Variants in DGKH observed in about 807,000 individuals in gnomAD.
DGKH encodes the protein DAG kinase eta.
Under a neutral mutation model 159.3 loss-of-function variants are expected in DGKH, and 90 were observed. The observed-to-expected ratio is 0.57, with a 90% CI of 0.48 to 0.67. DGKH has a LOEUF of 0.67. DGKH is among the 30% of genes least tolerant of loss of function. The pLI is 0.00. For missense variants in DGKH, 1,181 were observed against 1,506.1 expected, an observed-to-expected ratio of 0.78 and a Z score of 3.57; for synonymous variants, 536 against 553.8, an observed-to-expected ratio of 0.97 and a Z score of 0.45.
At position 42,241,743 on chromosome 13, in the gene DGKH, G is replaced by C. The variant is rs1027613296; in HGVS notation, c.*12555G>C. ...GATTATTTTGAATGAGGAGTAGGCG[G>C]TAATATTTAACAGGTAGCATACGTA... On this transcript the variant is annotated 3_prime_UTR_variant, in exon 30 of 30. Coordinates refer to ENST00000337343, the MANE Select transcript of DGKH (RefSeq NM_178009.5). The C allele has an allele frequency of 3.3e-5, 5 of 152,174 alleles. No homozygotes were observed. The highest frequency in any genetic ancestry group is 7.3e-5 in the Non-Finnish European group (5 of 68,038). The allele number at this position is 152,174 out of a possible 1,614,324, so 9.4% of individuals were successfully genotyped here.
At chr13:42,182,269 T>C (rs534815250) in intron 13 of DGKH, among the ~76,000 whole-genome samples, 8 of 152,358 alleles carry the variant, frequency 5.3e-5, no homozygotes, top group Admixed American at 2.0e-4. Flanking sequence ...CTGATATAAT[T>C]ACTTCCCACT....
chr13:42,050,197 C>T (rs780569457), intron 1 of DGKH, among the ~76,000 whole-genome samples: 2 of 152,108 alleles, frequency 1.3e-5, no homozygotes, highest in African/African-American at 2.4e-5. Flanking sequence ...ATGGTGAAAC[C>T]CCATGTCTAT....
chr13:42,118,730 G>A lies in DGKH; in HGVS notation c.193-8733G>A, dbSNP rs576564756. Among the ~76,000 whole-genome samples, 17 of 152,324 alleles carry A rather than the reference G, an allele frequency of 1.1e-4. 1 individual carries two copies. Among genetic ancestry groups the A allele is most frequent in the Admixed American group, 5.2e-4 (8 of 15,306 alleles). On this transcript the variant is annotated intron_variant, in intron 1 of 29. Coordinates refer to ENST00000337343, the MANE Select transcript of DGKH (RefSeq NM_178009.5). ...AGGGCAGAGGAAGGAGCTTAGGAGG[G>A]GTAGGCCACGCATTTGGAGGGCTGT... is the stretch of plus-strand genomic sequence containing the variant.
intron 3 of DGKH, among the ~76,000 whole-genome samples, chr13:42,151,613 A>ACACCC (rs1555266645): frequency 4.5e-5 from 5 of 111,934 alleles, no homozygotes; most frequent in African/African-American, 9.5e-5. Context: ...ACACACACAC[A>ACACCC]CCCCATGGAA....
chr13:42,146,572 T>G (rs1252254368), intron 3 of DGKH, among the ~76,000 whole-genome samples: 1 of 152,236 alleles, frequency 6.6e-6, no homozygotes, highest in Non-Finnish European at 1.5e-5. Context: ...TGGAATGTTA[T>G]GCAGCCATTA....
intron 3 of DGKH, among the ~76,000 whole-genome samples, chr13:42,149,297 A>G (rs967847322): frequency 5.3e-5 from 8 of 152,150 alleles, no homozygotes; most frequent in Admixed American, 5.2e-4. Context: ...AGTCTTGGTT[A>G]GTTTCCCCTT....
chr13:42,233,863 T>C lies in DGKH; in HGVS notation c.*4675T>C, dbSNP rs1200292003. ...ACTTGTACATTTTCATTTTCTCTTA[T>C]CAGTAGATTGTCCTTGTTGACATAG... On this transcript the variant is annotated 3_prime_UTR_variant, in exon 30 of 30. Transcript: ENST00000337343. The C allele has an allele frequency of 6.6e-6, 1 of 152,230 alleles. No homozygotes were observed. Among genetic ancestry groups the C allele is most frequent in the African/African-American group, 2.4e-5 (1 of 41,460 alleles). 9.4% of individuals were successfully genotyped at this position (152,230 alleles called of 1,614,324 possible). A position where few individuals can be genotyped will look rare whatever the true frequency, so the allele number is the denominator to read the frequency against.
In DGKH at chr13:42,199,875, C is replaced by T. The variant is rs781029886; in HGVS notation, c.2459C>T (p.Ser820Leu). The stretch of plus-strand genomic sequence containing the variant: ...GGAACCCGGGAGTTATTACAGAGAT[C>T]GTACAAGAATTTAGAACAAAGGGTT... ...VLGTRELLQR[S>L]YKNLEQRVQL... Residue 820 changes from serine (S) to leucine (L), a missense_variant, in exon 20 of 30, where the codon TCG (serine) becomes TTG (leucine). Physicochemically the swap from Ser to Leu is moderately radical, Grantham distance 145 (BLOSUM62 -2). Transcript: ENST00000337343. 6.2e-7 allele frequency: 1 copy of T among 1,612,080 alleles called. No homozygotes were observed. The highest frequency in any genetic ancestry group is 8.5e-7 in the Non-Finnish European group (1 of 1,179,238).
chr13:42,092,078 A>C (rs1157738804), intron 1 of DGKH, among the ~76,000 whole-genome samples: 1 of 152,212 alleles, frequency 6.6e-6, no homozygotes, highest in Non-Finnish European at 1.5e-5. Flanking sequence ...TTATCAAAAG[A>C]CAAAAGATAA....
At chr13:42,041,147 T>C (rs991580305) in intron 1 of DGKH, among the ~76,000 whole-genome samples, 2 of 152,170 alleles carry the variant, frequency 1.3e-5, no homozygotes, top group African/African-American at 4.8e-5. Flanking sequence ...GAGGAACCGC[T>C]GGCAAACCGC....
chr13:42,059,281 G>A (rs758610574), intron 1 of DGKH, among the ~76,000 whole-genome samples: 15 of 150,560 alleles, frequency 1.0e-4, no homozygotes, highest in South Asian at 4.2e-4. Flanking sequence ...ACGGAGTCTC[G>A]CTCTGTTGCC....
At chr13:42,042,222 C>G (rs1214591584) in intron 1 of DGKH, among the ~76,000 whole-genome samples, 3 of 152,208 alleles carry the variant, frequency 2.0e-5, no homozygotes, top group African/African-American at 7.2e-5. Context: ...AAGTTTAAAT[C>G]AAAGATCATT....
At chr13:42,120,246 A>G (rs560801738) in intron 1 of DGKH, among the ~76,000 whole-genome samples, 2 of 152,366 alleles carry the variant, frequency 1.3e-5, no homozygotes, top group African/African-American at 4.8e-5. Flanking sequence ...ACATGGAATG[A>G]AAATATATTC....
rs142456025 is a variant in DGKH at position 42,176,217 on chromosome 13, A to G, written c.1453-1918A>G. On this transcript the variant is annotated intron_variant, in intron 12 of 29. Coordinates refer to ENST00000337343, the MANE Select transcript of DGKH (RefSeq NM_178009.5). ...CAAATGGCATTAATCAAATGTTATT[A>G]ATTAATACATTAGTCAACTGGCATT... Among the ~76,000 whole-genome samples the G allele has an allele frequency of 5.3e-5, 8 of 152,336 alleles. No individual in the cohort carries two copies. In the East Asian group the frequency reaches 1.5e-3, roughly 29 times the overall value.
chr13:42,227,038 T>G (rs1038228326), intron 29 of DGKH, among the ~76,000 whole-genome samples: 1 of 152,012 alleles, frequency 6.6e-6, no homozygotes, highest in Admixed American at 6.6e-5. Context: ...CACGTTCTTG[T>G]AAGTGGGAGC....
intron 1 of DGKH, chr13:42,071,038 G>T (rs540211537): frequency 4.8e-6 from 6 of 1,247,730 alleles, no homozygotes; most frequent in African/African-American, 3.0e-5. Context: ...GTCCATATAC[G>T]TAGAATCCAG....
At chr13:42,196,493 A>G (rs1957206872) in intron 17 of DGKH, among the ~76,000 whole-genome samples, 1 of 152,244 alleles carries the variant, frequency 6.6e-6, no homozygotes, top group South Asian at 2.1e-4. Flanking sequence ...GATACATGCT[A>G]TATAGAAACA....
chr13:42,079,053 AG>A (rs1398148534), intron 1 of DGKH, among the ~76,000 whole-genome samples: 1 of 150,736 alleles, frequency 6.6e-6, no homozygotes, highest in African/African-American at 2.4e-5. Context: ...TGGGATTTAC[AG>A]GCACCCACCA....
At chr13:42,244,804 T>C (rs1958565676), downstream of DGKH, among the ~76,000 whole-genome samples, 1 of 139,810 alleles carries the variant, frequency 7.2e-6, no homozygotes, top group African/African-American at 2.7e-5. Flanking sequence ...CTTGGGAGGC[T>C]GAGGCAGGAG....
Sources: gnomAD v4.1 joint callset for allele counts (sites outside exome capture counted in the v4.1 genomes callset) on GRCh38, gnomAD v4.1.1 for gene constraint, MANE v1.5 for transcripts, NCBI Gene and HGNC (gene_info 2026-07-23, HGNC 2026-07-21) for gene names.